HAPLN4: variants seen among roughly 807,000 people sequenced by gnomAD.
The protein encoded by HAPLN4 is brain link protein 2.
A neutral mutation model predicts 28.0 loss-of-function variants in HAPLN4; 19 were observed. The ratio of observed to expected loss-of-function variants is 0.68; its 90% CI spans 0.47 to 1.00. The LOEUF is 1.00. HAPLN4 is among the 50% of genes least tolerant of loss of function. The pLI is 0.00. For missense variants in HAPLN4, 587 were observed against 602.6 expected, an observed-to-expected ratio of 0.97 and a Z score of 0.27; for synonymous variants, 274 against 273.0, an observed-to-expected ratio of 1.00 and a Z score of -0.03.
chr19:19,258,258 T>C lies in HAPLN4; in HGVS notation c.818-50A>G, dbSNP rs866890344. On this transcript the variant is annotated intron_variant, in intron 4 of 4. Coordinates refer to ENST00000291481, the MANE Select transcript of HAPLN4 (RefSeq NM_023002.3). This position sits in a 1 kb window ranked among gnomAD's most constrained non-coding sequence, Gnocchi z 6.2. ...GTTATTAGTGCGGCTCCTGGGACCCTGCTTCGGTGGGATTCAGGACTGCCC... is the reference window on the plus strand; with the variant it reads ...GTTATTAGTGCGGCTCCTGGGACCCCGCTTCGGTGGGATTCAGGACTGCCC... 4 of 1,434,870 alleles carry C rather than the reference T, an allele frequency of 2.8e-6. No individual in the cohort carries two copies. In the Middle Eastern group the frequency reaches 7.9e-4, roughly 284 times the overall value. 88.9% of individuals were successfully genotyped at this position (1,434,870 alleles called of 1,614,324 possible).
rs2060983292 is a variant in HAPLN4, at chr19:19,261,486, C to T, written c.81G>A (p.Ala27=). Residue 27 remains alanine (A), a synonymous_variant, in exon 2 of 5, where the codon GCG becomes GCA. Coordinates refer to ENST00000291481, the MANE Select transcript of HAPLN4 (RefSeq NM_023002.3). ...CCTTCTTCCGGCCACGCTGCGCCCC[C>T]GCAGGGGCTGTGAGCAGCAGGACGC... ...AWGVLLLTAP[A]GAQRGRKKVV... 1.2e-6 allele frequency: 2 copies of T among 1,612,192 alleles called. No homozygotes were observed. The highest frequency in any genetic ancestry group is 1.1e-5 in the South Asian group (1 of 91,074).
Position 19,257,916 on chromosome 19 carries a change from C to A in HAPLN4, c.1110G>T (p.Pro370=). 3 of 1,504,388 alleles carry A rather than the reference C, an allele frequency of 2.0e-6. No homozygotes were observed. In the Admixed American group the frequency reaches 6.4e-5, roughly 32 times the overall value. 93.2% of individuals were successfully genotyped at this position (1,504,388 alleles called of 1,614,324 possible). ...AGCCCCAGCCGCCAGGTGCCGGGTC[C>A]GGTGCTCCTGGAGCGCGGTAGCAGT... The part of the protein sequence containing the change: ...GVYCYRAPGA[P]DPAPGGWGWG... Residue 370 remains proline (P), a synonymous_variant, in exon 5 of 5, where the codon CCG becomes CCT. Coordinates refer to ENST00000291481, the MANE Select transcript of HAPLN4 (RefSeq NM_023002.3).
rs1434850203 is a variant in HAPLN4, at chr19:19,258,223, TG to T, written c.818-16del. On this transcript the variant is annotated splice_polypyrimidine_tract_variant and intron_variant, in intron 4 of 4. Coordinates refer to ENST00000291481, the MANE Select transcript of HAPLN4 (RefSeq NM_023002.3). This position sits in a 1 kb window ranked among gnomAD's most constrained non-coding sequence, Gnocchi z 6.2. ...GAACACGCGCCCTGCGGGGGTGAGG[TG>T]GGGGGTGGGTTATTAGTGCGGCTCC... 2.7e-6 allele frequency: 4 copies of T among 1,461,276 alleles called. No individual in the cohort carries two copies. The highest frequency in any genetic ancestry group is 1.4e-5 in the South Asian group (1 of 73,220). The allele number at this position is 1,461,276 out of a possible 1,614,324, so 90.5% of individuals were successfully genotyped here. A position where few individuals can be genotyped will look rare whatever the true frequency, so the allele number is the denominator to read the frequency against.
intron 1 of HAPLN4, among the ~76,000 whole-genome samples, chr19:19,262,149 G>C (rs1429194740): frequency 1.3e-5 from 2 of 151,796 alleles, no homozygotes; most frequent in Admixed American, 6.6e-5. Flanking sequence ...CAGAGATGGA[G>C]AGGGAGAGAC....
rs2060964671 is a variant in HAPLN4, at chr19:19,256,027, G to A, written c.*1790C>T. The A allele has an allele frequency of 6.6e-6, 1 of 152,192 alleles. No homozygotes were observed. The highest frequency in any genetic ancestry group is 6.6e-5 in the Admixed American group (1 of 15,266). The allele number at this position is 152,192 out of a possible 1,614,324, so 9.4% of individuals were successfully genotyped here. A position where few individuals can be genotyped will look rare whatever the true frequency, so the allele number is the denominator to read the frequency against. On this transcript the variant is annotated 3_prime_UTR_variant, in exon 5 of 5. Coordinates refer to ENST00000291481, the MANE Select transcript of HAPLN4 (RefSeq NM_023002.3). ...TAGCACAGATCGCCGCTTAGAGCCT[G>A]GTGGGTGTTGAATTTTAAAGAACAT...
Position 19,257,769 on chromosome 19 carries a change from G to A in HAPLN4, c.*48C>T. ...GTGGCCAGGCTCCAGGGGACCACAGGGCTCTAGACCAGTGGTCAAGCGCCC... is the reference window on the plus strand; with the variant it reads ...GTGGCCAGGCTCCAGGGGACCACAGAGCTCTAGACCAGTGGTCAAGCGCCC... On this transcript the variant is annotated 3_prime_UTR_variant, in exon 5 of 5. Coordinates refer to ENST00000291481, the MANE Select transcript of HAPLN4 (RefSeq NM_023002.3). 1 of 1,376,578 alleles carries A rather than the reference G, an allele frequency of 7.3e-7. No homozygotes were observed. The highest frequency in any genetic ancestry group is 9.3e-7 in the Non-Finnish European group (1 of 1,071,210). The allele number at this position is 1,376,578 out of a possible 1,614,324, so 85.3% of individuals were successfully genotyped here.
rs985122495 is a variant in HAPLN4 at position 19,261,567 on chromosome 19, G to T, written c.4-4C>A. 1.3e-6 allele frequency: 2 copies of T among 1,481,662 alleles called. No individual in the cohort carries two copies. The highest frequency in any genetic ancestry group is 2.8e-5 in the South Asian group (2 of 72,216). The allele number at this position is 1,481,662 out of a possible 1,614,324, so 91.8% of individuals were successfully genotyped here. ...CGAGGGCCGCCCGAGCGCACACCTGGGGGGCGGGCACGGGGCGCTCAGTCC... is the reference window on the plus strand; with the variant it reads ...CGAGGGCCGCCCGAGCGCACACCTGTGGGGCGGGCACGGGGCGCTCAGTCC... On this transcript the variant is annotated splice_polypyrimidine_tract_variant and splice_region_variant and intron_variant, in intron 1 of 4. Coordinates refer to ENST00000291481, the MANE Select transcript of HAPLN4 (RefSeq NM_023002.3).
In HAPLN4 at chr19:19,258,422, G is replaced by C; in HGVS notation, c.817+101C>G. The stretch of plus-strand genomic sequence containing the variant: ...CTGCGCCTAGGCACTCTTGGGAGAG[G>C]GGTCTCCTGTTTCTGATCGCTAAGA... On this transcript the variant is annotated intron_variant, in intron 4 of 4. Coordinates refer to ENST00000291481, the MANE Select transcript of HAPLN4 (RefSeq NM_023002.3). The surrounding 1 kb of genome is among the most constrained non-coding windows in gnomAD (Gnocchi z 6.2). 7.8e-7 allele frequency: 1 copy of C among 1,275,846 alleles called. No homozygotes were observed. The highest frequency in any genetic ancestry group is 1.1e-6 in the Non-Finnish European group (1 of 912,854). 79.0% of individuals were successfully genotyped at this position (1,275,846 alleles called of 1,614,324 possible).
At position 19,260,937 on chromosome 19, in the gene HAPLN4, G is replaced by A. The variant is rs1198743921; in HGVS notation, c.360C>T (p.Gly120=). 1 of 1,613,788 alleles carries A rather than the reference G, an allele frequency of 6.2e-7. No individual in the cohort carries two copies. Among genetic ancestry groups the A allele is most frequent in the African/African-American group, 1.3e-5 (1 of 74,928 alleles). Residue 120 remains glycine, a synonymous_variant, in exon 3 of 5, where the codon GGC becomes GGT. Transcript: ENST00000291481. ...GSYRGRAELQ[G]DGPGDASLVL... is the part of the protein sequence containing the mutation. The stretch of plus-strand genomic sequence containing the variant: ...CCAGGGAGGCATCCCCAGGCCCGTC[G>A]CCCTGCAGCTCAGCCCGCCCACGGT...
rs947078066 is a variant in HAPLN4, at chr19:19,257,691, T to A, written c.*126A>T. 2.6e-6 allele frequency: 3 copies of A among 1,137,816 alleles called. No homozygotes were observed. Among genetic ancestry groups the A allele is most frequent in the South Asian group, 2.9e-5 (1 of 34,394 alleles). The allele number at this position is 1,137,816 out of a possible 1,614,324, so 70.5% of individuals were successfully genotyped here. ...GTCTTCAGGGACCCCAGGGGCACAG[T>A]TAGTTTGTAAGGGACCACAGGGAAT... On this transcript the variant is annotated 3_prime_UTR_variant, in exon 5 of 5. Coordinates refer to ENST00000291481, the MANE Select transcript of HAPLN4 (RefSeq NM_023002.3).
At position 19,261,582 on chromosome 19, in the gene HAPLN4, G is replaced by T; in HGVS notation, c.4-19C>A. ...CGCACACCTGGGGGGCGGGCACGGG[G>T]CGCTCAGTCCAGCCTCCCAGCCTTG... On this transcript the variant is annotated intron_variant, in intron 1 of 4. Transcript: ENST00000291481. 3.5e-6 allele frequency: 5 copies of T among 1,441,762 alleles called. No individual in the cohort carries two copies. The highest frequency in any genetic ancestry group is 4.6e-6 in the Non-Finnish European group (5 of 1,098,114). 89.3% of individuals were successfully genotyped at this position (1,441,762 alleles called of 1,614,324 possible). A position where few individuals can be genotyped will look rare whatever the true frequency, so the allele number is the denominator to read the frequency against.
chr19:19,259,126 C>T (rs1335317028), intron 3 of HAPLN4, among the ~76,000 whole-genome samples: 2 of 152,172 alleles, frequency 1.3e-5, no homozygotes, highest in Non-Finnish European at 2.9e-5. Flanking sequence ...CTCTTTCCAC[C>T]TTATTCTACC....
At chr19:19,260,692 G>T (rs542980674) in intron 3 of HAPLN4, 121 bp downstream of exon 3, 11 of 1,214,220 alleles carry the variant, frequency 9.1e-6, no homozygotes, top group Admixed American at 8.0e-5. Context: ...AGATATGGGG[G>T]CTCTACCCCA....
In HAPLN4 at chr19:19,258,871, C is replaced by T. The variant is rs928666420; in HGVS notation, c.485-16G>A. 2.2e-5 allele frequency: 33 copies of T among 1,518,126 alleles called. No homozygotes were observed. The highest frequency in any genetic ancestry group is 2.8e-5 in the African/African-American group (2 of 72,682). The allele number at this position is 1,518,126 out of a possible 1,614,324, so 94.0% of individuals were successfully genotyped here. On this transcript the variant is annotated splice_polypyrimidine_tract_variant and intron_variant, in intron 3 of 4. Coordinates refer to ENST00000291481, the MANE Select transcript of HAPLN4 (RefSeq NM_023002.3). The surrounding 1 kb of genome is among the most constrained non-coding windows in gnomAD (Gnocchi z 6.2). The stretch of plus-strand genomic sequence containing the variant: ...AAGACCACGCCTGGCGGGGGGCGCA[C>T]GGGATCAGCAGGTACACCCCAGCCC...
At chr19:19,259,956 G>C (rs1231150107) in intron 3 of HAPLN4, among the ~76,000 whole-genome samples, 1 of 152,214 alleles carries the variant, frequency 6.6e-6, no homozygotes, top group African/African-American at 2.4e-5. Flanking sequence ...GAGCCAGTGA[G>C]GGACAACTCT....
intron 3 of HAPLN4, among the ~76,000 whole-genome samples, chr19:19,260,002 T>C (rs2060978023): frequency 6.6e-6 from 1 of 152,120 alleles, no homozygotes; most frequent in African/African-American, 2.4e-5. Flanking sequence ...AATCAGTTGC[T>C]AAGCAGGGAA....
chr19:19,257,840 C>G lies in HAPLN4; in HGVS notation c.1186G>C (p.Ala396Pro). The change falls in exon 5 of 5, where the codon GCC becomes CCC. Residue 396 changes from alanine to proline, a missense_variant. Ala to Pro is a conservative substitution (Grantham distance 27). Coordinates refer to ENST00000291481, the MANE Select transcript of HAPLN4 (RefSeq NM_023002.3). ...GWAGGARDPA[A>P]WTPLHV is the part of the protein sequence containing the mutation. ...GCCTAGACGTGCAGAGGGGTCCAGGCAGCAGGATCGCGCGCGCCCCCTGCC... is the reference window on the plus strand; with the variant it reads ...GCCTAGACGTGCAGAGGGGTCCAGGGAGCAGGATCGCGCGCGCCCCCTGCC... 1 of 1,419,252 alleles carries G rather than the reference C, an allele frequency of 7.0e-7. No individual in the cohort carries two copies. The highest frequency in any genetic ancestry group is 9.1e-7 in the Non-Finnish European group (1 of 1,098,718). The allele number at this position is 1,419,252 out of a possible 1,614,324, so 87.9% of individuals were successfully genotyped here. A position where few individuals can be genotyped will look rare whatever the true frequency, so the allele number is the denominator to read the frequency against.
At position 19,256,385 on chromosome 19, in the gene HAPLN4, C is replaced by T. The variant is rs535551508; in HGVS notation, c.*1432G>A. The T allele has an allele frequency of 2.0e-5, 3 of 152,636 alleles. No individual in the cohort carries two copies. In the South Asian group the frequency reaches 6.2e-4, roughly 32 times the overall value. The allele number at this position is 152,636 out of a possible 1,614,324, so 9.5% of individuals were successfully genotyped here. A position where few individuals can be genotyped will look rare whatever the true frequency, so the allele number is the denominator to read the frequency against. On this transcript the variant is annotated 3_prime_UTR_variant, in exon 5 of 5. Coordinates refer to ENST00000291481, the MANE Select transcript of HAPLN4 (RefSeq NM_023002.3). ...CCTGATGGGGTGCAGTAGGGTAGCC[C>T]TAGTAGGAGGCACCCAGGACTTCTG...
chr19:19,258,375 C>A lies in HAPLN4; in HGVS notation c.817+148G>T. ...GGGACCCCAGCCTAGGCCCAACCAG[C>A]GTTGGTACCAGGCGGTGTGTGCTGC... On this transcript the variant is annotated intron_variant, in intron 4 of 4. Coordinates refer to ENST00000291481, the MANE Select transcript of HAPLN4 (RefSeq NM_023002.3). The surrounding 1 kb of genome is among the most constrained non-coding windows in gnomAD (Gnocchi z 6.2). 1 of 1,087,490 alleles carries A rather than the reference C, an allele frequency of 9.2e-7. No homozygotes were observed. The allele number at this position is 1,087,490 out of a possible 1,614,324, so 67.4% of individuals were successfully genotyped here. A position where few individuals can be genotyped will look rare whatever the true frequency, so the allele number is the denominator to read the frequency against.
Sources: allele counts gnomAD v4.1 joint callset (sites outside exome capture counted in the v4.1 genomes callset), GRCh38; gene constraint gnomAD v4.1.1; non-coding constraint Gnocchi (gnomAD v3.1); transcripts MANE v1.5; gene names NCBI Gene and HGNC (gene_info 2026-07-23, HGNC 2026-07-21).